The following SYTL5 variants were observed in gnomAD, a reference collection of about 807,000 sequenced individuals.
The protein encoded by SYTL5 is synaptotagmin like 5.
SYTL5 carries 34 observed loss-of-function variants against 55.9 expected under a neutral mutation model. The ratio of observed to expected loss-of-function variants is 0.61; its 90% CI spans 0.46 to 0.81. The LOEUF is 0.81. Among genes scored for constraint, SYTL5 ranks in the 30% least tolerant of loss-of-function variants. The probability of loss-of-function intolerance (pLI) is 0.00; values close to 1 mark genes in which losing one functional copy is unlikely to be tolerated. For synonymous variants in SYTL5, 221 were observed against 188.7 expected (o/e 1.17, Z -1.40); for missense variants, 637 against 546.7 (o/e 1.17, Z -1.65).
At chrX:37,951,966 T>C in the SYTL5 span, among the ~76,000 whole-genome samples, 16 of 110,791 alleles carry the variant, frequency 1.4e-4, no homozygotes, top group African/African-American at 4.9e-4. Context: ...GGATCAAAGA[T>C]ATGAGGGTTT....
chrX:38,028,325 C>G (rs1934844238), intron 1 of SYTL5, among the ~76,000 whole-genome samples: 1 of 112,132 alleles, frequency 8.9e-6, no homozygotes, highest in Admixed American at 9.5e-5. Context: ...CCAGTCAAAG[C>G]CTTGGTAAAA....
chrX:37,895,437 C>CTTCT, the SYTL5 span, among the ~76,000 whole-genome samples: 1,913 of 94,323 alleles, frequency 0.02, 50 homozygotes, highest in African/African-American at 0.074. Context: ...TCCTTCCTTC[C>CTTCT]TTCCTTCCTT....
At chrX:38,019,637 T>C (rs1044722340) in intron 1 of SYTL5, among the ~76,000 whole-genome samples, 1 of 111,493 alleles carries the variant, frequency 9.0e-6, no homozygotes, top group Non-Finnish European at 1.9e-5. Context: ...TATTTGTTTG[T>C]TTGTTTGTTT....
At chrX:37,913,486 C>G in the SYTL5 span, among the ~76,000 whole-genome samples, 2 of 112,497 alleles carry the variant, frequency 1.8e-5, no homozygotes, top group African/African-American at 6.5e-5. Context: ...CATTAACCAG[C>G]TTTATGTGGG....
the SYTL5 span, among the ~76,000 whole-genome samples, chrX:37,903,921 T>C: frequency 9.0e-6 from 1 of 111,136 alleles, no homozygotes; most frequent in African/African-American, 3.3e-5. Context: ...TCTTACAGCA[T>C]TGTTATGTAA....
At chrX:37,919,067 A>G in the SYTL5 span, among the ~76,000 whole-genome samples, 1 of 110,563 alleles carries the variant, frequency 9.0e-6, no homozygotes, top group East Asian at 2.8e-4. Flanking sequence ...GGCATAGACA[A>G]AAGAACTCAA....
At chrX:37,909,680 A>AT in the SYTL5 span, among the ~76,000 whole-genome samples, 4,092 of 102,946 alleles carry the variant, frequency 0.04, 75 homozygotes, top group Middle Eastern at 0.1. Flanking sequence ...TTCTGTTTTT[A>AT]TTTTTTTTTT....
intron 1 of SYTL5, among the ~76,000 whole-genome samples, chrX:38,013,526 C>A (rs1192509808): frequency 9.0e-6 from 1 of 111,615 alleles, no homozygotes; most frequent in Non-Finnish European, 1.9e-5. Context: ...AAGAACTATT[C>A]AAGTGTTTTC....
At chrX:37,929,631 A>G in the SYTL5 span, among the ~76,000 whole-genome samples, 5,200 of 111,505 alleles carry the variant, frequency 0.047, 299 homozygotes, top group African/African-American at 0.16. Context: ...GGGTGGTCTG[A>G]GGAGGATTGA....
the SYTL5 span, among the ~76,000 whole-genome samples, chrX:37,970,343 C>CT: frequency 6.7e-5 from 6 of 89,301 alleles, no homozygotes; most frequent in South Asian, 5.3e-4. Context: ...TATAAAATTA[C>CT]TTTTTTTTAC....
chrX:38,040,058 C>T, intron 2 of SYTL5, among the ~76,000 whole-genome samples: 1 of 109,935 alleles, frequency 9.1e-6, no homozygotes, highest in Non-Finnish European at 1.9e-5. Context: ...GCCTGTAGTC[C>T]CAGCTACTGG....
At chrX:37,997,149 G>A in the SYTL5 span, among the ~76,000 whole-genome samples, 1 of 112,665 alleles carries the variant, frequency 8.9e-6, no homozygotes, top group Admixed American at 9.3e-5. Flanking sequence ...CATTCCTCAT[G>A]ATGGCAGTGG....
chrX:38,002,198 T>TCA (rs1933875587), upstream of SYTL5, among the ~76,000 whole-genome samples: 1 of 112,035 alleles, frequency 8.9e-6, no homozygotes, highest in Admixed American at 9.4e-5. Context: ...CATCAACTCA[T>TCA]TGGTTTTTAT....
the SYTL5 span, among the ~76,000 whole-genome samples, chrX:37,894,963 C>T: frequency 9.0e-6 from 1 of 111,359 alleles, no homozygotes; most frequent in Non-Finnish European, 1.9e-5. Context: ...ACCAGCTTTC[C>T]TGGTGCTCCA....
chrX:38,100,989 G>T (rs1484757903), intron 9 of SYTL5, among the ~76,000 whole-genome samples: 1 of 110,860 alleles, frequency 9.0e-6, no homozygotes, highest in Non-Finnish European at 1.9e-5. Flanking sequence ...TCATACAATG[G>T]AATATTAAAT....
intron 5 of SYTL5, among the ~76,000 whole-genome samples, chrX:38,075,177 T>C (rs1214804437): frequency 9.0e-6 from 1 of 111,414 alleles, no homozygotes; most frequent in Non-Finnish European, 1.9e-5. Context: ...ACCATCACAA[T>C]CAATTATGCA....
At chrX:38,102,988 GCTT>G (rs1937118928) in intron 10 of SYTL5, 1 of 1,026,102 alleles carries the variant, frequency 9.7e-7, no homozygotes, top group Non-Finnish European at 1.3e-6. Context: ...TTGCTCTGAT[GCTT>G]TTTTTCTTTT....
At chrX:38,081,690 C>T (rs1936534842) in intron 6 of SYTL5, among the ~76,000 whole-genome samples, 1 of 111,964 alleles carries the variant, frequency 8.9e-6, no homozygotes, top group African/African-American at 3.2e-5. Context: ...GCAACTAGAG[C>T]TCAATCTCAC....
At chrX:37,953,570 G>T in the SYTL5 span, among the ~76,000 whole-genome samples, 1 of 110,927 alleles carries the variant, frequency 9.0e-6, no homozygotes, top group South Asian at 3.8e-4. Flanking sequence ...TTTGAGGCTA[G>T]AGTCATGATC....
Sources: allele counts gnomAD v4.1 joint callset (sites outside exome capture counted in the v4.1 genomes callset), GRCh38; gene constraint gnomAD v4.1.1; transcripts MANE v1.5; gene names NCBI Gene and HGNC (gene_info 2026-07-23, HGNC 2026-07-21).